The following NAA60 variants were observed in gnomAD, a reference collection of about 807,000 sequenced individuals.
The protein encoded by NAA60 is N-alpha-acetyltransferase 60.
NAA60 carries 8 observed loss-of-function variants against 26.1 expected under a neutral mutation model. That is an observed-to-expected ratio of 0.31 (90% confidence interval 0.18 to 0.55). NAA60 has a LOEUF of 0.55. NAA60 is among the 20% of genes least tolerant of loss of function. The probability of loss-of-function intolerance (pLI) is 0.93; values close to 1 mark genes in which losing one functional copy is unlikely to be tolerated. For synonymous variants in NAA60, 131 were observed against 122.5 expected, an observed-to-expected ratio of 1.07 and a Z score of -0.46; for missense variants, 290 against 311.3, an observed-to-expected ratio of 0.93 and a Z score of 0.51.
chr16:3,446,277 A>T (rs2034547365), intron 1 of NAA60, among the ~76,000 whole-genome samples: 1 of 152,176 alleles, frequency 6.6e-6, no homozygotes, highest in Non-Finnish European at 1.5e-5. Context: ...CACGCCTGTA[A>T]TCCCAGCATT....
intron 6 of NAA60, chr16:3,483,924 C>G (rs1596364789): frequency 2.8e-6 from 1 of 356,848 alleles, no homozygotes; most frequent in East Asian, 7.1e-5. Flanking sequence ...CACTGGGGAT[C>G]AGCAGTGCAC....
At chr16:3,450,979 C>T (rs2034762366) in intron 2 of NAA60, among the ~76,000 whole-genome samples, 1 of 152,178 alleles carries the variant, frequency 6.6e-6, no homozygotes, top group Non-Finnish European at 1.5e-5. Flanking sequence ...TTAGAACATG[C>T]AGGAGGGATT....
intron 4 of NAA60, 101 bp downstream of exon 4, chr16:3,479,701 A>G (rs1438452718): frequency 1.4e-6 from 2 of 1,407,452 alleles, no homozygotes; most frequent in Non-Finnish European, 1.9e-6. Flanking sequence ...GCCGTCGTCC[A>G]AGGAGCCTGT....
chr16:3,471,241 C>T (rs2036122068), intron 2 of NAA60, among the ~76,000 whole-genome samples: 1 of 152,042 alleles, frequency 6.6e-6, no homozygotes, highest in Non-Finnish European at 1.5e-5. Context: ...GGTGCTCACA[C>T]CTGTAATCCC....
In NAA60 at chr16:3,476,202, C is replaced by T; in HGVS notation, c.-6-20C>T. On this transcript the variant is annotated intron_variant, in intron 2 of 7. Coordinates refer to ENST00000407558, the MANE Select transcript of NAA60 (RefSeq NM_001083601.3). The stretch of plus-strand genomic sequence containing the variant: ...AGACCAGGCTGTGAGGTGACGCGTC[C>T]CCCCCACCCTTCCCCACAGGTGTGA... 6.5e-7 allele frequency: 1 copy of T among 1,548,898 alleles called. No homozygotes were observed. Among genetic ancestry groups the T allele is most frequent in the Non-Finnish European group, 8.9e-7 (1 of 1,127,712 alleles).
intron 5 of NAA60, 142 bp downstream of exon 5, chr16:3,482,740 T>G: frequency 7.5e-6 from 5 of 667,232 alleles, no homozygotes; most frequent in African/African-American, 1.8e-5. Flanking sequence ...TCCATCCTCG[T>G]TCCCGTCTTG....
Position 3,476,205 on chromosome 16 carries a change from C to T in NAA60, c.-6-17C>T. The T allele has an allele frequency of 6.4e-7, 1 of 1,567,144 alleles. No individual in the cohort carries two copies. Among genetic ancestry groups the T allele is most frequent in the Non-Finnish European group, 8.7e-7 (1 of 1,143,196 alleles). ...CCAGGCTGTGAGGTGACGCGTCCCCCCCACCCTTCCCCACAGGTGTGAATG... is the reference window on the plus strand; with the variant it reads ...CCAGGCTGTGAGGTGACGCGTCCCCTCCACCCTTCCCCACAGGTGTGAATG... On this transcript the variant is annotated splice_polypyrimidine_tract_variant and intron_variant, in intron 2 of 7. Coordinates refer to ENST00000407558, the MANE Select transcript of NAA60 (RefSeq NM_001083601.3).
chr16:3,463,174 A>C lies in NAA60; in HGVS notation c.-6-13048A>C, dbSNP rs558588565. 6.6e-5 allele frequency among the ~76,000 whole-genome samples: 10 copies of C among 152,156 alleles called. No individual in the cohort carries two copies. The East Asian group carries it at 1.9e-3, about 29-fold the overall frequency. ...ATTTTAGAGCAAAATGGGTAACACTACTCATAATTTGAAAACACACTATTA... is the reference window on the plus strand; with the variant it reads ...ATTTTAGAGCAAAATGGGTAACACTCCTCATAATTTGAAAACACACTATTA... On this transcript the variant is annotated intron_variant, in intron 2 of 7. Coordinates refer to ENST00000407558, the MANE Select transcript of NAA60 (RefSeq NM_001083601.3).
chr16:3,478,802 C>T (rs551401523), intron 3 of NAA60, among the ~76,000 whole-genome samples: 1 of 152,308 alleles, frequency 6.6e-6, no homozygotes, highest in Admixed American at 6.5e-5. Context: ...CCAGAAGTCT[C>T]ACAGATTCTC....
chr16:3,484,157 C>A (rs2037026672), intron 6 of NAA60, among the ~76,000 whole-genome samples: 1 of 152,038 alleles, frequency 6.6e-6, no homozygotes, highest in Admixed American at 6.6e-5. Flanking sequence ...CAGAATGTGG[C>A]CCAAAAAAAT....
intron 1 of NAA60, among the ~76,000 whole-genome samples, chr16:3,445,822 C>T (rs946240914): frequency 2.0e-5 from 3 of 152,136 alleles, no homozygotes; most frequent in Non-Finnish European, 4.4e-5. Flanking sequence ...CTTCCCTAGA[C>T]TATCTTTCCT....
intron 2 of NAA60, among the ~76,000 whole-genome samples, chr16:3,459,340 C>G (rs2035221671): frequency 6.6e-6 from 1 of 152,204 alleles, no homozygotes; most frequent in African/African-American, 2.4e-5. Context: ...TCAGTGTTCA[C>G]AGGCAGGGAG....
At chr16:3,476,662 A>G (rs2036502858) in intron 3 of NAA60, among the ~76,000 whole-genome samples, 1 of 152,222 alleles carries the variant, frequency 6.6e-6, no homozygotes, top group Non-Finnish European at 1.5e-5. Flanking sequence ...GGTTACATGC[A>G]TTAGAGTAAT....
intron 2 of NAA60, among the ~76,000 whole-genome samples, chr16:3,459,528 A>G (rs1007226766): frequency 6.6e-6 from 1 of 152,218 alleles, no homozygotes; most frequent in African/African-American, 2.4e-5. Flanking sequence ...CAGGTTCATC[A>G]CAGCAGTGAA....
At position 3,450,560 on chromosome 16, in the gene NAA60, C is replaced by T. The variant is rs181159759; in HGVS notation, c.-7+2020C>T. 6.1e-3 allele frequency among the ~76,000 whole-genome samples: 923 copies of T among 151,962 alleles called. 16 individuals carry two copies. Among genetic ancestry groups the T allele is most frequent in the African/African-American group, 0.019 (803 of 41,466 alleles). The stretch of plus-strand genomic sequence containing the variant: ...CTAAAAATACAAAAAATTAGCCGAG[C>T]GTGGTGGTGGGCACCTGTGGTCCCA... On this transcript the variant is annotated intron_variant, in intron 2 of 7. Transcript: ENST00000407558.
intron 7 of NAA60, 91 bp downstream of exon 7, chr16:3,485,152 C>A: frequency 1.2e-6 from 1 of 809,024 alleles, no homozygotes; most frequent in Non-Finnish European, 2.1e-6. Flanking sequence ...ACGGCAGAGC[C>A]GGAAGGGGCC....
intron 2 of NAA60, among the ~76,000 whole-genome samples, chr16:3,456,543 C>A (rs146305970): frequency 6.6e-6 from 1 of 151,912 alleles, no homozygotes; most frequent in Non-Finnish European, 1.5e-5. Flanking sequence ...TAGCAATATT[C>A]TTTTAAGCAC....
At chr16:3,485,395 T>G in intron 7 of NAA60, 72 bp from the exon 8 acceptor site, 1 of 465,018 alleles carries the variant, frequency 2.2e-6, no homozygotes, top group Non-Finnish European at 4.3e-6. Flanking sequence ...GTGTGGCCCA[T>G]AGGCAGGGTG....
At chr16:3,484,432 G>A (rs991016718) in intron 6 of NAA60, 6 of 536,958 alleles carry the variant, frequency 1.1e-5, no homozygotes, top group Non-Finnish European at 2.0e-5. Flanking sequence ...CACCCCCCGT[G>A]CATCCCTGGG....
Sources: gnomAD v4.1 joint callset for allele counts (sites outside exome capture counted in the v4.1 genomes callset) on GRCh38, gnomAD v4.1.1 for gene constraint, MANE v1.5 for transcripts, NCBI Gene and HGNC (gene_info 2026-07-23, HGNC 2026-07-21) for gene names.